TRABD2B: variants seen among roughly 807,000 people sequenced by gnomAD.
The protein encoded by TRABD2B is metalloprotease TIKI2.
In TRABD2B, 14 loss-of-function variants were observed where a neutral mutation model predicts 40.1. That is an observed-to-expected ratio of 0.35 (90% CI 0.23 to 0.55). The LOEUF is 0.55. Among genes scored for constraint, TRABD2B ranks in the 20% least tolerant of loss-of-function variants. The pLI is 0.90. For missense variants in TRABD2B, 541 were observed against 648.6 expected (o/e 0.83, Z 1.80); for synonymous variants, 263 against 277.0 (o/e 0.95, Z 0.50).
At chr1:47,793,553 G>C (rs1006837637) in intron 4 of TRABD2B, among the ~76,000 whole-genome samples, 2 of 152,258 alleles carry the variant, frequency 1.3e-5, no homozygotes, top group African/African-American at 4.8e-5. Context: ...GGTGACAGGA[G>C]GGGAAGGGAA....
intron 2 of TRABD2B, among the ~76,000 whole-genome samples, chr1:47,884,777 G>A (rs369682808): frequency 4.6e-5 from 7 of 151,854 alleles, no homozygotes; most frequent in Admixed American, 2.6e-4. Flanking sequence ...CACTATGCCC[G>A]GCTAATTTTT....
At position 47,895,794 on chromosome 1, in the gene TRABD2B, C is replaced by T. The variant is rs547183569; in HGVS notation, c.667-94175G>A. Among the ~76,000 whole-genome samples, 147 of 152,348 alleles carry T rather than the reference C, an allele frequency of 9.6e-4. 1 individual carries two copies. Among genetic ancestry groups the T allele is most frequent in the Middle Eastern group, 3.4e-3 (1 of 294 alleles). ...CCATAGGGCAGAGATTTCCTCAGGT[C>T]GCACTGCTGAGGAGGGAGGGGCAGA... On this transcript the variant is annotated intron_variant, in intron 2 of 6. Coordinates refer to ENST00000606738, the MANE Select transcript of TRABD2B (RefSeq NM_001194986.2).
At chr1:47,833,345 A>G (rs572009570) in intron 2 of TRABD2B, among the ~76,000 whole-genome samples, 7 of 152,354 alleles carry the variant, frequency 4.6e-5, no homozygotes, top group African/African-American at 1.4e-4. Flanking sequence ...CTCAGGTCCT[A>G]CCTGGCTGAG....
chr1:47,772,815 G>A (rs981551512), intron 6 of TRABD2B, among the ~76,000 whole-genome samples: 3 of 152,140 alleles, frequency 2.0e-5, no homozygotes, highest in African/African-American at 7.2e-5. Context: ...CTCAGGGCCT[G>A]CTCCCCTAGA....
At chr1:47,938,235 C>T (rs766794298) in intron 2 of TRABD2B, among the ~76,000 whole-genome samples, 16 of 152,274 alleles carry the variant, frequency 1.1e-4, no homozygotes, top group East Asian at 1.9e-4. Flanking sequence ...CGGGGTTCAA[C>T]GCTGCAGGCA....
intron 6 of TRABD2B, among the ~76,000 whole-genome samples, chr1:47,773,108 C>T (rs574195280): frequency 2.4e-4 from 37 of 152,350 alleles, no homozygotes; most frequent in African/African-American, 8.7e-4. Flanking sequence ...AGCCCAGCTT[C>T]CCGTCACCCC....
intron 4 of TRABD2B, 115 bp downstream of exon 4, chr1:47,794,471 T>G: frequency 1.6e-6 from 2 of 1,238,594 alleles, no homozygotes; most frequent in Non-Finnish European, 2.1e-6. Flanking sequence ...ACTGTGTGGC[T>G]TTTCCTGCCC....
chr1:47,839,563 A>G (rs1054521365), intron 2 of TRABD2B, among the ~76,000 whole-genome samples: 2 of 152,198 alleles, frequency 1.3e-5, no homozygotes, highest in Non-Finnish European at 2.9e-5. Context: ...TCCACGCTCC[A>G]GCCTGCAGCC....
chr1:47,946,426 C>T (rs1004170818), intron 2 of TRABD2B, among the ~76,000 whole-genome samples: 2 of 151,992 alleles, frequency 1.3e-5, no homozygotes, highest in South Asian at 4.1e-4. Context: ...TCCTAGTTTA[C>T]TGAGAGTTTT....
chr1:47,859,005 C>G (rs966437672), intron 2 of TRABD2B, among the ~76,000 whole-genome samples: 1 of 152,142 alleles, frequency 6.6e-6, no homozygotes, highest in Non-Finnish European at 1.5e-5. Context: ...CTCACATACA[C>G]ATACTCGCAG....
chr1:47,952,606 C>T (rs982912115), intron 2 of TRABD2B, among the ~76,000 whole-genome samples: 1 of 152,184 alleles, frequency 6.6e-6, no homozygotes, highest in African/African-American at 2.4e-5. Context: ...TCGAGCACAC[C>T]TCTCCCTCTG....
At chr1:47,925,974 T>C (rs1296245232) in intron 2 of TRABD2B, among the ~76,000 whole-genome samples, 1 of 152,220 alleles carries the variant, frequency 6.6e-6, no homozygotes, top group Non-Finnish European at 1.5e-5. Context: ...CCTCTTCTGT[T>C]CAACTTTTCC....
At chr1:47,966,820 G>A (rs1057448708) in intron 2 of TRABD2B, among the ~76,000 whole-genome samples, 9 of 151,706 alleles carry the variant, frequency 5.9e-5, no homozygotes, top group African/African-American at 1.7e-4. Flanking sequence ...CAGTAGGATC[G>A]CTTGAACCCA....
chr1:47,952,209 C>T (rs1030588858), intron 2 of TRABD2B, among the ~76,000 whole-genome samples: 1 of 152,206 alleles, frequency 6.6e-6, no homozygotes, highest in Admixed American at 6.5e-5. Context: ...TCCCATCCTG[C>T]CCCTGGTTCT....
chr1:47,780,583 C>G (rs1253360016), intron 4 of TRABD2B, among the ~76,000 whole-genome samples: 1 of 152,064 alleles, frequency 6.6e-6, no homozygotes, highest in Non-Finnish European at 1.5e-5. Flanking sequence ...TGTGAGGGCA[C>G]ACAGGAGGCC....
At chr1:47,892,382 C>A (rs1644460115) in intron 2 of TRABD2B, among the ~76,000 whole-genome samples, 1 of 152,182 alleles carries the variant, frequency 6.6e-6, no homozygotes, top group African/African-American at 2.4e-5. Context: ...GGGGGAGAAT[C>A]AACTATTGGT....
At chr1:47,854,682 C>T (rs1395181623) in intron 2 of TRABD2B, among the ~76,000 whole-genome samples, 3 of 152,134 alleles carry the variant, frequency 2.0e-5, no homozygotes, top group African/African-American at 7.2e-5. Context: ...ACATTTAGAG[C>T]AAGTAAAGCT....
At chr1:47,809,543 C>T (rs2124337082) in intron 2 of TRABD2B, among the ~76,000 whole-genome samples, 1 of 152,300 alleles carries the variant, frequency 6.6e-6, no homozygotes. Context: ...TGGAGGACAG[C>T]TCACTTCACA....
At chr1:47,835,443 A>C (rs893928248) in intron 2 of TRABD2B, among the ~76,000 whole-genome samples, 1 of 152,028 alleles carries the variant, frequency 6.6e-6, no homozygotes, top group East Asian at 1.9e-4. Flanking sequence ...AGTGAACTCC[A>C]AGTAGGATAA....
Sources: gnomAD v4.1 joint callset for allele counts (sites outside exome capture counted in the v4.1 genomes callset) on GRCh38, gnomAD v4.1.1 for gene constraint, MANE v1.5 for transcripts, NCBI Gene and HGNC (gene_info 2026-07-23, HGNC 2026-07-21) for gene names.